The following MYCBP2 variants were observed in gnomAD, a reference collection of about 807,000 sequenced individuals.
MYCBP2 encodes the protein MYC binding protein 2.
In MYCBP2, 120 loss-of-function variants were observed where a neutral mutation model predicts 525.3. That is an observed-to-expected ratio of 0.23 (90% CI 0.20 to 0.27). The LOEUF (loss-of-function observed/expected upper bound fraction) is 0.27, where lower values mean the gene tolerates loss of function less well. Among genes scored for constraint, MYCBP2 ranks in the 10% least tolerant of loss-of-function variants. The pLI, the probability that MYCBP2 is intolerant of heterozygous loss-of-function variation, is 1.00. For missense variants in MYCBP2, 4,149 were observed against 5,657.1 expected (o/e 0.73, Z 8.55); for synonymous variants, 1,894 against 1,955.8 (o/e 0.97, Z 0.83).
At chr13:77,234,138 T>C (rs2067539705) in intron 17 of MYCBP2, among the ~76,000 whole-genome samples, 1 of 152,016 alleles carries the variant, frequency 6.6e-6, no homozygotes, top group African/African-American at 2.4e-5. Context: ...AACATTTATT[T>C]ACCTTGAAAA....
chr13:77,176,943 TAGAG>T (rs2059762116), intron 35 of MYCBP2, among the ~76,000 whole-genome samples: 1 of 152,110 alleles, frequency 6.6e-6, no homozygotes, highest in Non-Finnish European at 1.5e-5. Flanking sequence ...AAGTTAGAGA[TAGAG>T]ATAGACTTGC....
At chr13:77,055,795 C>T (rs2301580) in intron 79 of MYCBP2, 28 bp from the exon 80 acceptor site, 63,206 of 1,532,034 alleles carry the variant, frequency 0.041, 1,444 homozygotes, top group East Asian at 0.066. Context: ...CACTCTTTAG[C>T]AGAATCATTT....
intron 42 of MYCBP2, among the ~76,000 whole-genome samples, chr13:77,164,893 T>C (rs186361607): frequency 6.6e-6 from 1 of 152,212 alleles, no homozygotes; most frequent in Non-Finnish European, 1.5e-5. Flanking sequence ...ACTGAGCAGG[T>C]TCAGGGCAGG....
At chr13:77,186,779 C>T (rs1251449225) in intron 30 of MYCBP2, among the ~76,000 whole-genome samples, 1 of 150,314 alleles carries the variant, frequency 6.7e-6, no homozygotes, top group Non-Finnish European at 1.5e-5. Flanking sequence ...CCCAGAGCTC[C>T]TGAAAACGAG....
In MYCBP2 at chr13:77,326,056, T is replaced by C. The variant is rs1004889943; in HGVS notation, c.302+418A>G. Among the ~76,000 whole-genome samples the C allele has an allele frequency of 6.6e-6, 1 of 152,032 alleles. No individual in the cohort carries two copies. Among genetic ancestry groups the C allele is most frequent in the African/African-American group, 2.4e-5 (1 of 41,374 alleles). ...GCAAATAACATTGCGGCAGAGACACTGAAAACGCCACTTCCCTTGCCACTG... is the reference window on the plus strand; with the variant it reads ...GCAAATAACATTGCGGCAGAGACACCGAAAACGCCACTTCCCTTGCCACTG... On this transcript the variant is annotated intron_variant, in intron 1 of 82. Transcript: ENST00000544440. The surrounding 1 kb of genome is among the most constrained non-coding windows in gnomAD (Gnocchi z 4.2).
At chr13:77,317,030 A>C (rs909649148) in intron 1 of MYCBP2, among the ~76,000 whole-genome samples, 3 of 151,750 alleles carry the variant, frequency 2.0e-5, no homozygotes, top group African/African-American at 7.3e-5. Flanking sequence ...GCTCACTGCA[A>C]CCTCCACATC....
intron 4 of MYCBP2, among the ~76,000 whole-genome samples, chr13:77,275,118 G>A (rs1027654485): frequency 6.6e-6 from 1 of 152,086 alleles, no homozygotes; most frequent in African/African-American, 2.4e-5. Flanking sequence ...TAGGGTATTG[G>A]CAAACATGAC....
chr13:77,131,957 AT>A (rs1479648804), intron 52 of MYCBP2, among the ~76,000 whole-genome samples: 2 of 152,196 alleles, frequency 1.3e-5, no homozygotes, highest in African/African-American at 2.4e-5. Context: ...AAAGAAAAAA[AT>A]CTTTCCTTGT....
chr13:77,168,813 A>T (rs1455691704), intron 39 of MYCBP2, among the ~76,000 whole-genome samples, 167 bp from the exon 40 acceptor site: 1 of 152,246 alleles, frequency 6.6e-6, no homozygotes. Context: ...AAAAAGATTT[A>T]TCTTAGATGT....
Position 77,177,519 on chromosome 13 carries a change from G to A in MYCBP2, c.5340+229C>T, listed in dbSNP as rs75986452. 4.1e-3 allele frequency among the ~76,000 whole-genome samples: 625 copies of A among 151,646 alleles called. 4 individuals are homozygous for A. Among genetic ancestry groups the A allele is most frequent in the Non-Finnish European group, 6.6e-3 (448 of 67,844 alleles). On this transcript the variant is annotated intron_variant, in intron 35 of 82. Coordinates refer to ENST00000544440, the MANE Select transcript of MYCBP2 (RefSeq NM_015057.5). ...GTATTTTTCGTAGAGATAGGGTTTT[G>A]CCATATTGCCTAGGCTGGCCTTGAA...
In MYCBP2 at chr13:77,169,607, T is replaced by TAC. The variant is rs761123620; in HGVS notation, c.5895+5_5895+6dup. 2.4e-5 allele frequency: 39 copies of TAC among 1,601,768 alleles called. No homozygotes were observed. The African/African-American group carries it at 5.0e-4, about 20-fold the overall frequency. ...AACATTCAAAGTTATAGAATTAAAT[T>TAC]ACACACCTTGGGAATAGCAGCAGCT... On this transcript the variant is annotated splice_region_variant and intron_variant, in intron 39 of 82. Transcript: ENST00000544440.
At chr13:77,068,399 T>C (rs1045939378) in intron 70 of MYCBP2, among the ~76,000 whole-genome samples, 166 bp downstream of exon 70, 6 of 126,376 alleles carry the variant, frequency 4.7e-5, no homozygotes, top group Admixed American at 3.7e-4. Context: ...ATACTCTCAC[T>C]ATAAACAGTA....
intron 18 of MYCBP2, among the ~76,000 whole-genome samples, chr13:77,232,946 C>T (rs574449891): frequency 1.3e-5 from 2 of 152,208 alleles, no homozygotes; most frequent in Admixed American, 6.5e-5. Flanking sequence ...AAAATATCTC[C>T]TTTATGAAAG....
In MYCBP2 at chr13:77,251,386, A is replaced by C; in HGVS notation, c.2177-31T>G. On this transcript the variant is annotated intron_variant, in intron 14 of 82. Transcript: ENST00000544440. ...TGACAGATCAATTTGTAATTTTTAT[A>C]CAGGTTACTTTCATGTATAAAAGAT... 1.9e-6 allele frequency: 3 copies of C among 1,585,126 alleles called. No homozygotes were observed. The East Asian group carries it at 6.7e-5, about 35-fold the overall frequency.
intron 37 of MYCBP2, among the ~76,000 whole-genome samples, chr13:77,172,689 G>A (rs1031239012): frequency 6.6e-6 from 1 of 152,180 alleles, no homozygotes. Flanking sequence ...AAAGTATGAG[G>A]GAAAGAGAAG....
chr13:77,095,472 A>C lies in MYCBP2; in HGVS notation c.10085T>G (p.Ile3362Ser). ...LSLSSAAEPS[I>S]LCYHPAKPFQ... ...TGGCTTTGCAGGATGGTAACACAGA[A>C]TGCTCGGTTCTGCTGCACTGCTCAG... Residue 3362 changes from isoleucine (I) to serine (S), a missense_variant, in exon 58 of 83, where the codon ATT becomes AGT. This residue lies in a region of MYCBP2 where 509 missense variants were observed against 789.4 expected (regional missense o/e 0.64). Coordinates refer to ENST00000544440, the MANE Select transcript of MYCBP2 (RefSeq NM_015057.5). The C allele has an allele frequency of 6.2e-7, 1 of 1,613,610 alleles. No individual in the cohort carries two copies. The highest frequency in any genetic ancestry group is 8.5e-7 in the Non-Finnish European group (1 of 1,179,736).
At chr13:77,125,510 T>C in intron 53 of MYCBP2, 42 bp from the exon 54 acceptor site, 1 of 1,608,818 alleles carries the variant, frequency 6.2e-7, no homozygotes, top group Non-Finnish European at 8.5e-7. Context: ...CTTGATTCTT[T>C]CAGGGAACTC....
At chr13:77,122,409 C>T (rs1419952843) in intron 54 of MYCBP2, among the ~76,000 whole-genome samples, 1 of 151,746 alleles carries the variant, frequency 6.6e-6, no homozygotes, top group Non-Finnish European at 1.5e-5. Context: ...TTTTAAAAGT[C>T]AATAGTCCTT....
intron 19 of MYCBP2, among the ~76,000 whole-genome samples, chr13:77,225,182 A>G (rs2066083325): frequency 6.6e-6 from 1 of 152,232 alleles, no homozygotes; most frequent in Non-Finnish European, 1.5e-5. Context: ...CATCTTCCAG[A>G]CTGTCTTGAA....
Sources: gnomAD v4.1 joint callset for allele counts (sites outside exome capture counted in the v4.1 genomes callset) on GRCh38, gnomAD v4.1.1 for gene constraint, gnomAD v4.1.1 regional missense constraint, Gnocchi (gnomAD v3.1) non-coding constraint, MANE v1.5 for transcripts, NCBI Gene and HGNC (gene_info 2026-07-23, HGNC 2026-07-21) for gene names.